SCMH1: variants seen among roughly 807,000 people sequenced by gnomAD.
SCMH1 encodes polycomb protein SCMH1.
Under a neutral mutation model 70.8 loss-of-function variants are expected in SCMH1, and 37 were observed. The observed-to-expected ratio is 0.52, with a 90% CI of 0.40 to 0.69. The LOEUF (loss-of-function observed/expected upper bound fraction) is 0.69. SCMH1 is among the 30% of genes least tolerant of loss of function. The pLI is 0.00. For missense variants in SCMH1, 607 were observed against 827.3 expected (o/e 0.73, Z 3.27); for synonymous variants, 292 against 307.4 (o/e 0.95, Z 0.52).
chr1:41,070,145 C>T (rs1376598183), intron 10 of SCMH1, among the ~76,000 whole-genome samples: 1 of 152,008 alleles, frequency 6.6e-6, no homozygotes, highest in East Asian at 1.9e-4. Flanking sequence ...GATTACCCAC[C>T]CATTTCATCC....
At chr1:41,152,594 C>A (rs764262692) in intron 4 of SCMH1, 3 of 1,614,072 alleles carry the variant, frequency 1.9e-6, no homozygotes, top group Non-Finnish European at 2.5e-6. Flanking sequence ...CCCCCTAATA[C>A]CCACCTAGAG....
intron 9 of SCMH1, among the ~76,000 whole-genome samples, chr1:41,074,074 T>C (rs1007402902): frequency 2.2e-4 from 24 of 107,322 alleles, no homozygotes; most frequent in South Asian, 6.3e-4. Context: ...ACAGAAGTCT[T>C]TTTTTTTTTT....
chr1:41,124,513 C>T (rs1472190995), intron 6 of SCMH1, among the ~76,000 whole-genome samples: 1 of 60,658 alleles, frequency 1.6e-5, no homozygotes, highest in African/African-American at 1.6e-4. Context: ...TTTGAAGAGT[C>T]TGGATTGTTT....
chr1:41,214,798 A>G (rs1242743806), intron 1 of SCMH1, among the ~76,000 whole-genome samples: 3 of 152,104 alleles, frequency 2.0e-5, no homozygotes, highest in African/African-American at 7.2e-5. Context: ...CAAAGGAAAA[A>G]GCTTTAGTTA....
intron 6 of SCMH1, among the ~76,000 whole-genome samples, chr1:41,140,383 C>T (rs2148195619): frequency 6.6e-6 from 1 of 152,172 alleles, no homozygotes; most frequent in East Asian, 1.9e-4. Context: ...ACCTTCGCCT[C>T]CCGGGTTCAA....
At chr1:41,055,750 G>A (rs1650033235) in intron 10 of SCMH1, among the ~76,000 whole-genome samples, 1 of 152,182 alleles carries the variant, frequency 6.6e-6, no homozygotes, top group Non-Finnish European at 1.5e-5. Flanking sequence ...GGTAGGTAGT[G>A]AGCAGACAAC....
intron 10 of SCMH1, among the ~76,000 whole-genome samples, chr1:41,065,023 A>C (rs1000833937): frequency 6.6e-6 from 1 of 152,214 alleles, no homozygotes; most frequent in Non-Finnish European, 1.5e-5. Context: ...TATGAGGAAA[A>C]CTAGAAAAGT....
At chr1:41,036,206 T>TC (rs1233752460) in intron 13 of SCMH1, among the ~76,000 whole-genome samples, 2 of 152,150 alleles carry the variant, frequency 1.3e-5, no homozygotes, top group African/African-American at 4.8e-5. Context: ...CACTGGTGAC[T>TC]CCTAAATATT....
At chr1:41,057,920 A>G (rs757112670) in intron 10 of SCMH1, among the ~76,000 whole-genome samples, 2 of 152,110 alleles carry the variant, frequency 1.3e-5, no homozygotes, top group African/African-American at 2.4e-5. Context: ...CAAGAGTTCA[A>G]TATCAGCCTG....
At chr1:41,080,600 A>C (rs1230817937) in intron 8 of SCMH1, among the ~76,000 whole-genome samples, 1 of 152,164 alleles carries the variant, frequency 6.6e-6, no homozygotes, top group East Asian at 1.9e-4. Flanking sequence ...TTATTTCAGA[A>C]ATACAAAGGT....
intron 5 of SCMH1, among the ~76,000 whole-genome samples, chr1:41,149,429 T>G (rs949243673): frequency 5.3e-5 from 8 of 152,224 alleles, no homozygotes; most frequent in African/African-American, 1.7e-4. Context: ...TTTAATGTGT[T>G]TGTCTGCTAT....
intron 2 of SCMH1, among the ~76,000 whole-genome samples, chr1:41,179,605 G>A (rs558091967): frequency 0.019 from 2,909 of 152,104 alleles, 76 homozygotes; most frequent in African/African-American, 0.066. Flanking sequence ...AATAAACTAG[G>A]ATATCTAGAA....
intron 1 of SCMH1, among the ~76,000 whole-genome samples, chr1:41,191,349 G>T (rs1330783568): frequency 6.6e-6 from 1 of 152,196 alleles, no homozygotes; most frequent in African/African-American, 2.4e-5. Context: ...AAGTGTAAAT[G>T]AAATTTTTTA....
At chr1:41,067,254 C>T (rs1458305793) in intron 10 of SCMH1, among the ~76,000 whole-genome samples, 6 of 152,066 alleles carry the variant, frequency 3.9e-5, no homozygotes, top group African/African-American at 2.4e-5. Flanking sequence ...ACCATCCTGG[C>T]TGACATGGTG....
intron 4 of SCMH1, 104 bp downstream of exon 4, chr1:41,160,771 G>T: frequency 1.9e-6 from 2 of 1,055,504 alleles, no homozygotes; most frequent in Non-Finnish European, 2.9e-6. Context: ...TTCTGAGACA[G>T]AGACACGTGG....
At chr1:41,223,227 C>G (rs1659639012) in intron 1 of SCMH1, among the ~76,000 whole-genome samples, 1 of 152,188 alleles carries the variant, frequency 6.6e-6, no homozygotes, top group African/African-American at 2.4e-5. Context: ...GGCTATTTCA[C>G]AGCTTTGTCA....
chr1:41,144,641 T>C (rs1006818612), intron 5 of SCMH1, among the ~76,000 whole-genome samples: 2 of 152,216 alleles, frequency 1.3e-5, no homozygotes, highest in African/African-American at 4.8e-5. Flanking sequence ...CTGGGTCATG[T>C]GGTAACTCTG....
chr1:41,045,424 G>A (rs1056703354), intron 12 of SCMH1, among the ~76,000 whole-genome samples: 1 of 152,164 alleles, frequency 6.6e-6, no homozygotes, highest in African/African-American at 2.4e-5. Context: ...GGGAAAGGGG[G>A]AAGGAGAATG....
intron 8 of SCMH1, among the ~76,000 whole-genome samples, chr1:41,106,986 C>T (rs1226426442): frequency 1.3e-5 from 2 of 151,782 alleles, no homozygotes; most frequent in Non-Finnish European, 2.9e-5. Context: ...CCACGCCCGG[C>T]CTTAACTATT....
Sources: gnomAD v4.1 joint callset for allele counts (sites outside exome capture counted in the v4.1 genomes callset) on GRCh38, gnomAD v4.1.1 for gene constraint, MANE v1.5 for transcripts, NCBI Gene and HGNC (gene_info 2026-07-23, HGNC 2026-07-21) for gene names.